The following DUOX2 variants were observed in gnomAD, a reference collection of about 807,000 sequenced individuals.
DUOX2 encodes NADH/NADPH thyroid oxidase p138-tox.
A neutral mutation model predicts 183.3 loss-of-function variants in DUOX2; 185 were observed. The observed-to-expected ratio is 1.01, with a 90% CI of 0.90 to 1.14. DUOX2 has a LOEUF of 1.14. Ranked by LOEUF, DUOX2 falls within the 50% of genes most tolerant of loss-of-function variation. The pLI is 0.00. For synonymous variants in DUOX2, 788 were observed against 812.4 expected (o/e 0.97, Z 0.51); for missense variants, 1,999 against 2,022.9 (o/e 0.99, Z 0.23).
At chr15:45,112,856 G>T in intron 3 of DUOX2, 131 bp downstream of exon 3, 1 of 1,535,162 alleles carries the variant, frequency 6.5e-7, no homozygotes, top group Non-Finnish European at 8.9e-7. Context: ...CCCCGGGAGC[G>T]CATAAGATTG....
chr15:45,101,613 G>C (rs771726064), intron 21 of DUOX2, 180 bp downstream of exon 21: 10 of 732,898 alleles, frequency 1.4e-5, no homozygotes, highest in Non-Finnish European at 2.1e-5. Context: ...ACCTCAGTGG[G>C]TATCATTGTG....
chr15:45,112,067 G>C, intron 4 of DUOX2, 112 bp from the exon 5 acceptor site: 1 of 1,327,542 alleles, frequency 7.5e-7, no homozygotes, highest in South Asian at 1.3e-5. Context: ...CCCAGTGCCA[G>C]CTCCGCCACC....
At position 45,097,361 on chromosome 15, in the gene DUOX2, G is replaced by A; in HGVS notation, c.3724C>T (p.Gln1242Ter). 1 of 1,614,254 alleles carries A rather than the reference G, an allele frequency of 6.2e-7. No individual in the cohort carries two copies. Among genetic ancestry groups the A allele is most frequent in the Non-Finnish European group, 8.5e-7 (1 of 1,180,042 alleles). Residue 1242 changes from glutamine to a stop codon, truncating the protein, a stop_gained, in exon 29 of 34, where the codon CAG becomes TAG. Coordinates refer to ENST00000389039, the MANE Select transcript of DUOX2 (RefSeq NM_001363711.2). LOFTEE classifies it high-confidence loss of function. ...LIIHGSYALI[Q>*]LPTFHIYFLV... ...AAGTAGATGTGGAAAGTGGGCAGCTGGATCAGAGCATAGCTGCCATGGATG... is the reference window on the plus strand; with the variant it reads ...AAGTAGATGTGGAAAGTGGGCAGCTAGATCAGAGCATAGCTGCCATGGATG...
At chr15:45,107,042 CCT>C in intron 14 of DUOX2, 73 bp from the exon 15 acceptor site, 1 of 1,546,458 alleles carries the variant, frequency 6.5e-7, no homozygotes, top group South Asian at 1.2e-5. Flanking sequence ...TCCCCTCTAT[CCT>C]ATAAAGGACC....
chr15:45,106,605 CG>C lies in DUOX2; in HGVS notation c.1867del (p.Arg623GlyfsTer16). On this transcript the variant is annotated frameshift_variant, in exon 16 of 34. Transcript: ENST00000389039. LOFTEE classifies it high-confidence loss of function. ...TTGTAGCTTCTTGTGTTCTCGGCCC[CG>C]GAAATAGGCCACCACTCCAGAGAGA... ...LLLSGVVAYF[R>X]GREHKKLQKK... is the part of the protein sequence containing the mutation. The C allele has an allele frequency of 6.2e-7, 1 of 1,614,140 alleles. No individual in the cohort carries two copies. Among genetic ancestry groups the C allele is most frequent in the Non-Finnish European group, 8.5e-7 (1 of 1,180,028 alleles).
At chr15:45,112,491 G>T (rs1894458032) in intron 4 of DUOX2, 63 bp downstream of exon 4, 5 of 1,590,506 alleles carry the variant, frequency 3.1e-6, no homozygotes, top group Non-Finnish European at 4.3e-6. Flanking sequence ...ACGGGATCTG[G>T]CCCCTCCCCC....
At chr15:45,112,048 G>A in intron 4 of DUOX2, 93 bp from the exon 5 acceptor site, 2 of 1,493,356 alleles carry the variant, frequency 1.3e-6, no homozygotes, top group Non-Finnish European at 1.8e-6. Flanking sequence ...GGAGCCAAAA[G>A]ACAGAGGTCC....
chr15:45,098,040 C>T lies in DUOX2; in HGVS notation c.3534G>A (p.Lys1178=), dbSNP rs749036312. 8.1e-6 allele frequency: 13 copies of T among 1,614,144 alleles called. No individual in the cohort carries two copies. In the South Asian group the frequency reaches 1.4e-4, roughly 18 times the overall value. Residue 1178 remains lysine, a synonymous_variant, in exon 27 of 34, where the codon AAG becomes AAA. Transcript: ENST00000389039. ...CGGTCTGGAAGAACCACCAATAGAA[C>T]TTCTGGGGAAGCTTGGACCTGGGGG... The part of the protein sequence containing the change: ...FVNDGSKLPQ[K]FYWWFFQTVP...
At chr15:45,100,663 C>G (rs964480896) in intron 23 of DUOX2, 92 bp downstream of exon 23, 2 of 1,057,784 alleles carry the variant, frequency 1.9e-6, no homozygotes, top group Non-Finnish European at 3.0e-6. Context: ...TCAGGATGGT[C>G]GCTTATATGT....
intron 14 of DUOX2, 114 bp from the exon 15 acceptor site, chr15:45,107,083 C>A: frequency 6.8e-7 from 1 of 1,463,920 alleles, no homozygotes; most frequent in Non-Finnish European, 9.4e-7. Context: ...CCCAGGCCCA[C>A]CTCCCTGAAA....
intron 4 of DUOX2, 148 bp downstream of exon 4, chr15:45,112,406 A>C (rs1595529504): frequency 2.1e-6 from 2 of 973,570 alleles, no homozygotes; most frequent in African/African-American, 3.3e-5. Flanking sequence ...AATCTCTCCG[A>C]GATGAAGGCA....
intron 20 of DUOX2, 25 bp downstream of exon 20, chr15:45,103,935 A>G: frequency 6.2e-7 from 1 of 1,613,074 alleles, no homozygotes; most frequent in Non-Finnish European, 8.5e-7. Flanking sequence ...AGGAAGTCTC[A>G]GGATTAGAAA....
At chr15:45,110,042 G>A (rs1192736362) in intron 9 of DUOX2, 62 bp from the exon 10 acceptor site, 2 of 1,478,272 alleles carry the variant, frequency 1.4e-6, no homozygotes, top group Non-Finnish European at 1.9e-6. Flanking sequence ...ATGGGGTTGA[G>A]TGGGCTGAGG....
Position 45,112,623 on chromosome 15 carries a change from T to G in DUOX2, c.256A>C (p.Asn86His), listed in dbSNP as rs542047276. 18 of 1,612,754 alleles carry G rather than the reference T, an allele frequency of 1.1e-5. No individual in the cohort carries two copies. Among genetic ancestry groups the G allele is most frequent in the Admixed American group, 1.0e-4 (6 of 59,978 alleles). Residue 86 changes from asparagine (N) to histidine (H), a missense_variant, in exon 4 of 34, where the codon AAC becomes CAC. Physicochemically the swap from Asn to His is moderately conservative, Grantham distance 68. This residue lies in a region of DUOX2 where 356 missense variants were observed against 356.4 expected (regional missense o/e 1.00). Transcript: ENST00000389039. ...CCGGCTATGCCCCGCGTGGCTGCGT[T>G]GCTGAGCCGGCGCGGGTTGGGCAGC... ...PQLPNPRRLS[N>H]AATRGIAGLP...
Position 45,095,092 on chromosome 15 carries a change from C to G in DUOX2, c.4240-1G>C, listed in dbSNP as rs1411599668. 2 of 1,613,468 alleles carry G rather than the reference C, an allele frequency of 1.2e-6. No individual in the cohort carries two copies. The highest frequency in any genetic ancestry group is 2.2e-5 in the East Asian group (1 of 44,874). On this transcript the variant is annotated splice_acceptor_variant, in intron 31 of 33. Coordinates refer to ENST00000389039, the MANE Select transcript of DUOX2 (RefSeq NM_001363711.2). LOFTEE classifies it high-confidence loss of function. ...TCCGTGTCACCCAGATGAAGTAGAT[C>G]TGGGGACACAGGGCTGGAGATCAGG...
intron 12 of DUOX2, chr15:45,108,565 A>C: frequency 1.6e-6 from 1 of 643,720 alleles, no homozygotes; most frequent in Non-Finnish European, 2.7e-6. Context: ...CCCTGCAGGA[A>C]TGGTACAATG....
Position 45,100,664 on chromosome 15 carries a change from G to A in DUOX2, c.3005+91C>T, listed in dbSNP as rs867028796. The A allele has an allele frequency of 1.1e-4, 117 of 1,063,776 alleles. No individual in the cohort carries two copies. In the South Asian group the frequency reaches 1.4e-3, roughly 12 times the overall value. The allele number at this position is 1,063,776 out of a possible 1,614,324, so 65.9% of individuals were successfully genotyped here. On this transcript the variant is annotated intron_variant, in intron 23 of 33. Coordinates refer to ENST00000389039, the MANE Select transcript of DUOX2 (RefSeq NM_001363711.2). Reference sequence around the variant, plus strand: ...AAATGGAATGAGACTCAGGATGGTCGCTTATATGTCAAGGATATGTGGGTG... The same window carrying A: ...AAATGGAATGAGACTCAGGATGGTCACTTATATGTCAAGGATATGTGGGTG...
Position 45,105,791 on chromosome 15 carries a change from A to G in DUOX2, c.2186T>C (p.Phe729Ser). The change falls in exon 18 of 34, where the codon TTT becomes TCT. Residue 729 changes from phenylalanine to serine, a missense_variant. By Grantham distance (155) the Phe-to-Ser change is radical. Coordinates refer to ENST00000389039, the MANE Select transcript of DUOX2 (RefSeq NM_001363711.2). ...GCAGAAGTCCCATAGCTGCTGCACAAAGGCGCCCCGTTCCTCTTCAGAACT... is the reference window on the plus strand; with the variant it reads ...GCAGAAGTCCCATAGCTGCTGCACAGAGGCGCCCCGTTCCTCTTCAGAACT... ...LFSSEEERGAFVQQLWDFCVR... is the reference protein window; with the variant it reads ...LFSSEEERGASVQQLWDFCVR... 13 of 1,614,178 alleles carry G rather than the reference A, an allele frequency of 8.1e-6. No homozygotes were observed. Among genetic ancestry groups the G allele is most frequent in the Non-Finnish European group, 1.1e-5 (13 of 1,180,018 alleles).
At chr15:45,100,385 A>G in intron 23 of DUOX2, 157 bp from the exon 24 acceptor site, 3 of 670,008 alleles carry the variant, frequency 4.5e-6, no homozygotes, top group African/African-American at 1.8e-5. Context: ...TCCTCCTCCA[A>G]CCCTTTACTT....
Sources: gnomAD v4.1 joint callset for allele counts on GRCh38, gnomAD v4.1.1 for gene constraint, gnomAD v4.1.1 regional missense constraint, MANE v1.5 for transcripts, NCBI Gene and HGNC (gene_info 2026-07-23, HGNC 2026-07-21) for gene names.